DYNC2H1: variants seen among roughly 807,000 people sequenced by gnomAD.
DYNC2H1 encodes dynein cytoplasmic 2 heavy chain 1.
In DYNC2H1, 410 loss-of-function variants were observed where a neutral mutation model predicts 570.0. That is an observed-to-expected ratio of 0.72 (90% CI 0.66 to 0.78). DYNC2H1 has a LOEUF of 0.78. DYNC2H1 is among the 30% of genes least tolerant of loss of function. The pLI is 0.00. For synonymous variants in DYNC2H1, 1,688 were observed against 1,677.6 expected (o/e 1.01, Z -0.15); for missense variants, 4,865 against 5,046.4 (o/e 0.96, Z 1.09).
At position 103,188,633 on chromosome 11, in the gene DYNC2H1, G is replaced by A. The variant is rs373521030; in HGVS notation, c.7277G>A (p.Arg2426His). Residue 2426 changes from arginine to histidine, a missense_variant, in exon 44 of 89, where the codon CGT (arginine) becomes CAT (histidine). This residue lies in a region of DYNC2H1 where 2,401 missense variants were observed against 2,454.6 expected (regional missense o/e 0.98). Transcript: ENST00000375735. ...ACTACCAGATTTACTTCCATCGTTCGTCTTTGTTCTATAGAGTATGTATCT... is the reference window on the plus strand; with the variant it reads ...ACTACCAGATTTACTTCCATCGTTCATCTTTGTTCTATAGAGTATGTATCT... ...KLTTRFTSIV[R>H]LCSIDYPERE... 3.1e-6 allele frequency: 5 copies of A among 1,606,270 alleles called. No individual in the cohort carries two copies. Among genetic ancestry groups the A allele is most frequent in the East Asian group, 4.5e-5 (2 of 44,492 alleles).
chr11:103,392,190 T>A (rs1018469234), intron 83 of DYNC2H1, among the ~76,000 whole-genome samples: 1 of 152,212 alleles, frequency 6.6e-6, no homozygotes, highest in Non-Finnish European at 1.5e-5. Context: ...TACTCAAGCC[T>A]GGGCAATGGC....
In DYNC2H1 at chr11:103,181,380, C is replaced by T. The variant is rs1861842619; in HGVS notation, c.6348-377C>T. Among the ~76,000 whole-genome samples, 1 of 151,512 alleles carries T rather than the reference C, an allele frequency of 6.6e-6. No individual in the cohort carries two copies. The highest frequency in any genetic ancestry group is 2.4e-5 in the African/African-American group (1 of 41,330). Reference sequence around the variant, plus strand: ...TTTGGGATTTTACATTTCTAACAGACCACTCTGAGTAGGAATGGTTGAGAC... The same window carrying T: ...TTTGGGATTTTACATTTCTAACAGATCACTCTGAGTAGGAATGGTTGAGAC... On this transcript the variant is annotated intron_variant, in intron 39 of 88. Transcript: ENST00000375735. This position sits in a 1 kb window ranked among gnomAD's most constrained non-coding sequence, Gnocchi z 5.0.
chr11:103,449,951 A>G (rs1471889582), intron 85 of DYNC2H1, among the ~76,000 whole-genome samples: 1 of 152,224 alleles, frequency 6.6e-6, no homozygotes, highest in Non-Finnish European at 1.5e-5. Context: ...GCCATAAGGC[A>G]TCATGGCATT....
At position 103,125,231 on chromosome 11, in the gene DYNC2H1, C is replaced by T. The variant is rs1412424192; in HGVS notation, c.1793C>T (p.Ala598Val). 1 of 1,612,868 alleles carries T rather than the reference C, an allele frequency of 6.2e-7. No homozygotes were observed. The highest frequency in any genetic ancestry group is 1.3e-5 in the African/African-American group (1 of 74,864). ...TCTGCACTTGGCTTTGTTATTCCTGCCAAAATACAGCAAGTTGCAAACATT... is the reference window on the plus strand; with the variant it reads ...TCTGCACTTGGCTTTGTTATTCCTGTCAAAATACAGCAAGTTGCAAACATT... The part of the protein sequence containing the change: ...QLSALGFVIP[A>V]KIQQVANIAQ... The change falls in exon 12 of 89, where the codon GCC becomes GTC. Residue 598 changes from alanine (A) to valine (V), a missense_variant. Physicochemically the swap from Ala to Val is moderately conservative, Grantham distance 64. Transcript: ENST00000375735.
rs754478111 is a variant in DYNC2H1, at chr11:103,455,330, T to C, written c.12566+35T>C. On this transcript the variant is annotated intron_variant, in intron 86 of 88. Transcript: ENST00000375735. ...ATGAAATACTTTACCTATTTGTCCC[T>C]GACGGTAATTAGTTTTGCTTTATTG... 3 of 1,573,978 alleles carry C rather than the reference T, an allele frequency of 1.9e-6. No individual in the cohort carries two copies. In the South Asian group the frequency reaches 3.3e-5, roughly 18 times the overall value.
chr11:103,148,011 C>T, intron 19 of DYNC2H1, 124 bp downstream of exon 19: 3 of 668,196 alleles, frequency 4.5e-6, no homozygotes, highest in Non-Finnish European at 4.9e-6. Flanking sequence ...TTAAAAAAAG[C>T]AGGAAAAGTC....
intron 84 of DYNC2H1, among the ~76,000 whole-genome samples, chr11:103,424,135 T>C (rs1003164525): frequency 2.6e-5 from 4 of 152,090 alleles, no homozygotes; most frequent in Admixed American, 6.6e-5. Context: ...CAGAGTATTT[T>C]GGGGGATTGA....
At chr11:103,214,442 TCTTC>T (rs1177623002) in intron 54 of DYNC2H1, among the ~76,000 whole-genome samples, 39 of 57,216 alleles carry the variant, frequency 6.8e-4, no homozygotes, top group East Asian at 8.4e-4. Context: ...TAGTACTTCT[TCTTC>T]TTTTTTTTTT....
At chr11:103,316,092 T>A (rs182129262) in intron 79 of DYNC2H1, among the ~76,000 whole-genome samples, 9 of 152,164 alleles carry the variant, frequency 5.9e-5, no homozygotes, top group Admixed American at 5.2e-4. Flanking sequence ...AGTTATATAA[T>A]TTTATTTAGT....
At chr11:103,415,760 G>A (rs1278157708) in intron 84 of DYNC2H1, among the ~76,000 whole-genome samples, 1 of 152,176 alleles carries the variant, frequency 6.6e-6, no homozygotes, top group Non-Finnish European at 1.5e-5. Context: ...CAAGGATCTG[G>A]AACTAGAATT....
At position 103,155,313 on chromosome 11, in the gene DYNC2H1, T is replaced by C; in HGVS notation, c.3574-18T>C. 1 of 540,674 alleles carries C rather than the reference T, an allele frequency of 1.8e-6. No homozygotes were observed. The highest frequency in any genetic ancestry group is 2.4e-6 in the Non-Finnish European group (1 of 415,528). The allele number at this position is 540,674 out of a possible 1,614,324, so 33.5% of individuals were successfully genotyped here. A position where few individuals can be genotyped will look rare whatever the true frequency, so the allele number is the denominator to read the frequency against. On this transcript the variant is annotated intron_variant, in intron 24 of 88. Transcript: ENST00000375735. ...TATGTGTATACATATGACTTTTTCTTTTTTTTTTTTGTAACAGATCGTAAT... is the reference window on the plus strand; with the variant it reads ...TATGTGTATACATATGACTTTTTCTCTTTTTTTTTTGTAACAGATCGTAAT...
At chr11:103,123,942 CA>C (rs1858855928) in intron 11 of DYNC2H1, among the ~76,000 whole-genome samples, 1 of 151,606 alleles carries the variant, frequency 6.6e-6, no homozygotes, top group South Asian at 2.1e-4. Flanking sequence ...TGAATAAAGG[CA>C]AAAAGAGTCA....
At chr11:103,408,126 A>G (rs956934227) in intron 84 of DYNC2H1, 8 of 152,020 alleles carry the variant, frequency 5.3e-5, no homozygotes, top group African/African-American at 1.7e-4. Flanking sequence ...AGTTCACAAG[A>G]GGAGAGCGAT....
intron 65 of DYNC2H1, among the ~76,000 whole-genome samples, chr11:103,250,479 G>GA (rs1221328151): frequency 6.6e-6 from 1 of 152,076 alleles, no homozygotes; most frequent in Non-Finnish European, 1.5e-5. Flanking sequence ...CCAAGAGGAA[G>GA]TTTTTTAGCC....
intron 83 of DYNC2H1, among the ~76,000 whole-genome samples, chr11:103,365,349 G>A (rs1233891165): frequency 1.4e-5 from 2 of 139,336 alleles, no homozygotes; most frequent in African/African-American, 2.6e-5. Flanking sequence ...CAACAAGAGC[G>A]AAATTCCGGC....
At chr11:103,211,361 T>C (rs979361268) in intron 53 of DYNC2H1, among the ~76,000 whole-genome samples, 10 of 152,202 alleles carry the variant, frequency 6.6e-5, no homozygotes, top group Admixed American at 5.2e-4. Flanking sequence ...TTTTTGGCTT[T>C]TGAAGTCTTG....
At chr11:103,433,919 A>G (rs1170283778) in intron 84 of DYNC2H1, among the ~76,000 whole-genome samples, 4 of 152,158 alleles carry the variant, frequency 2.6e-5, no homozygotes, top group Non-Finnish European at 5.9e-5. Context: ...AGACATTCCT[A>G]TTCAAAAAGG....
In DYNC2H1 at chr11:103,312,043, A is replaced by G; in HGVS notation, c.11649+10A>G. 6.2e-7 allele frequency: 1 copy of G among 1,602,494 alleles called. No homozygotes were observed. The highest frequency in any genetic ancestry group is 1.1e-5 in the South Asian group (1 of 88,386). ...AAACTATATTCCTCAGGTAAGTAAG[A>G]ACATGTCTTGAATACATTCTAAGCT... On this transcript the variant is annotated intron_variant, in intron 79 of 88. Transcript: ENST00000375735.
chr11:103,170,050 A>G lies in DYNC2H1; in HGVS notation c.4969-58A>G. ...TTAACTACAATCTCATGCTGTAAAA[A>G]TATTTGTAAATGTTGAATAGAACAT... On this transcript the variant is annotated intron_variant, in intron 32 of 88. Transcript: ENST00000375735. The surrounding 1 kb of genome is among the most constrained non-coding windows in gnomAD (Gnocchi z 4.8). 1 of 1,380,388 alleles carries G rather than the reference A, an allele frequency of 7.2e-7. No individual in the cohort carries two copies. Among genetic ancestry groups the G allele is most frequent in the Non-Finnish European group, 9.6e-7 (1 of 1,037,460 alleles). The allele number at this position is 1,380,388 out of a possible 1,614,324, so 85.5% of individuals were successfully genotyped here. A position where few individuals can be genotyped will look rare whatever the true frequency, so the allele number is the denominator to read the frequency against.
Sources: allele counts gnomAD v4.1 joint callset (sites outside exome capture counted in the v4.1 genomes callset), GRCh38; gene constraint gnomAD v4.1.1; regional missense constraint gnomAD v4.1.1; non-coding constraint Gnocchi (gnomAD v3.1); transcripts MANE v1.5; gene names NCBI Gene and HGNC (gene_info 2026-07-23, HGNC 2026-07-21).